DPY19L2: variants seen among roughly 807,000 people sequenced by gnomAD.
DPY19L2 encodes probable C-mannosyltransferase DPY19L2.
In DPY19L2, 34 loss-of-function variants were observed where a neutral mutation model predicts 97.9. The observed-to-expected ratio is 0.35, with a 90% CI of 0.26 to 0.46. DPY19L2 has a LOEUF of 0.46. DPY19L2 is among the 20% of genes least tolerant of loss of function. The probability of loss-of-function intolerance (pLI) is 1.00; values close to 1 mark genes in which losing one functional copy is unlikely to be tolerated. For synonymous variants in DPY19L2, 230 were observed against 307.9 expected, an observed-to-expected ratio of 0.75 and a Z score of 2.65; for missense variants, 623 against 911.4, an observed-to-expected ratio of 0.68 and a Z score of 4.07.
chr12:63,637,561 C>T (rs117486564), intron 6 of DPY19L2, among the ~76,000 whole-genome samples: 105,424 of 151,910 alleles, frequency 0.69, 37,153 homozygotes, highest in African/African-American at 0.8. Context: ...ATACAAACTA[C>T]CATCAGAGAA....
intron 6 of DPY19L2, among the ~76,000 whole-genome samples, chr12:63,630,403 C>G (rs567966573): frequency 1.3e-5 from 2 of 152,118 alleles, no homozygotes; most frequent in South Asian, 4.2e-4. Context: ...CAAAAAAAGG[C>G]AGGGGTTGCA....
At chr12:63,611,111 A>G (rs1289591233) in intron 11 of DPY19L2, among the ~76,000 whole-genome samples, 1 of 151,948 alleles carries the variant, frequency 6.6e-6, no homozygotes, top group African/African-American at 2.4e-5. Flanking sequence ...GCAAAAATGT[A>G]GAAAAATTGG....
chr12:63,658,645 T>C (rs1409594621), intron 4 of DPY19L2, among the ~76,000 whole-genome samples: 1 of 152,178 alleles, frequency 6.6e-6, no homozygotes, highest in African/African-American at 2.4e-5. Flanking sequence ...CCCTCAATAC[T>C]GCTTCCACCT....
At chr12:63,583,968 A>C in intron 16 of DPY19L2, 132 bp from the exon 17 acceptor site, 1 of 627,880 alleles carries the variant, frequency 1.6e-6, no homozygotes, top group South Asian at 2.6e-5. Context: ...GAAAATACAT[A>C]AAAATAAAAA....
chr12:63,607,883 T>G (rs896697762), intron 12 of DPY19L2, among the ~76,000 whole-genome samples: 1 of 151,824 alleles, frequency 6.6e-6, no homozygotes, highest in East Asian at 1.9e-4. Flanking sequence ...TCTGTCCACG[T>G]TGGCCTCCCA....
intron 4 of DPY19L2, among the ~76,000 whole-genome samples, chr12:63,659,284 T>C (rs972105210): frequency 7.9e-5 from 12 of 152,142 alleles, no homozygotes; most frequent in African/African-American, 2.6e-4. Flanking sequence ...AATAATACCA[T>C]TTATAATAAA....
chr12:63,581,061 A>C (rs958764123), intron 18 of DPY19L2, among the ~76,000 whole-genome samples: 8 of 152,302 alleles, frequency 5.3e-5, no homozygotes, highest in East Asian at 1.9e-4. Context: ...GAATTAAGGA[A>C]GATATACCTG....
At chr12:63,657,737 C>A (rs1021666218) in intron 4 of DPY19L2, among the ~76,000 whole-genome samples, 2 of 152,102 alleles carry the variant, frequency 1.3e-5, no homozygotes, top group Non-Finnish European at 2.9e-5. Flanking sequence ...GTCCCCTAGC[C>A]AGCACCATAG....
Position 63,641,010 on chromosome 12 carries a change from A to G in DPY19L2, c.803+3393T>C, listed in dbSNP as rs372697127. ...CAGGTTCACGCCATTCTCCTGCCTC[A>G]GCCTCCCGAGTAGCTGGGACTACAG... On this transcript the variant is annotated intron_variant, in intron 6 of 21. Transcript: ENST00000324472. Among the ~76,000 whole-genome samples the G allele has an allele frequency of 2.8e-4, 42 of 152,168 alleles. 1 individual carries two copies. Among genetic ancestry groups the G allele is most frequent in the Middle Eastern group, 3.4e-3 (1 of 294 alleles).
chr12:63,653,683 C>T (rs1341115470), intron 4 of DPY19L2, among the ~76,000 whole-genome samples: 3 of 151,930 alleles, frequency 2.0e-5, no homozygotes, highest in Admixed American at 1.3e-4. Context: ...AAAATCTAAA[C>T]AAATCCACAC....
chr12:63,651,641 C>G, intron 4 of DPY19L2: 1 of 377,096 alleles, frequency 2.7e-6, no homozygotes, highest in Non-Finnish European at 5.4e-6. Flanking sequence ...CAAAAATCTC[C>G]GGCCCTACAG....
chr12:63,644,040 A>T (rs1186133427), intron 6 of DPY19L2, among the ~76,000 whole-genome samples: 1 of 152,144 alleles, frequency 6.6e-6, no homozygotes, highest in South Asian at 2.1e-4. Context: ...AATTTTTCCT[A>T]CTGCTTTCTT....
intron 15 of DPY19L2, among the ~76,000 whole-genome samples, chr12:63,594,862 C>T (rs1215913089): frequency 6.6e-6 from 1 of 152,124 alleles, no homozygotes; most frequent in Non-Finnish European, 1.5e-5. Flanking sequence ...TAAGTGGAGC[C>T]TTAGAAGAAT....
intron 6 of DPY19L2, among the ~76,000 whole-genome samples, chr12:63,641,849 C>T (rs1275836882): frequency 6.6e-6 from 1 of 152,080 alleles, no homozygotes; most frequent in Non-Finnish European, 1.5e-5. Flanking sequence ...TACAAGGTAT[C>T]TATATCTTGA....
chr12:63,615,730 A>G (rs1209015951), intron 11 of DPY19L2, among the ~76,000 whole-genome samples: 1 of 152,176 alleles, frequency 6.6e-6, no homozygotes, highest in Non-Finnish European at 1.5e-5. Flanking sequence ...AGCAGTCAAG[A>G]TAGTCATTAT....
chr12:63,637,058 A>G (rs1891845583), intron 6 of DPY19L2, among the ~76,000 whole-genome samples: 2 of 152,190 alleles, frequency 1.3e-5, no homozygotes, highest in Admixed American at 6.5e-5. Context: ...CAGCAAATGT[A>G]AAAGAACAGA....
chr12:63,651,797 C>T (rs1213791995), intron 4 of DPY19L2: 9 of 329,902 alleles, frequency 2.7e-5, no homozygotes, highest in East Asian at 1.7e-4. Context: ...AGAAGGACCC[C>T]GGTGTCCTTG....
intron 21 of DPY19L2, among the ~76,000 whole-genome samples, chr12:63,562,559 T>C (rs1876788297): frequency 2.0e-5 from 3 of 152,160 alleles, no homozygotes; most frequent in African/African-American, 7.2e-5. Context: ...ATGTTTAACG[T>C]TTTACAAAAT....
At chr12:63,634,633 C>T (rs12311596) in intron 6 of DPY19L2, among the ~76,000 whole-genome samples, 105,495 of 152,010 alleles carry the variant, frequency 0.69, 37,187 homozygotes, top group African/African-American at 0.8. Context: ...CAGGAGATTA[C>T]ATCCCGCACA....
Sources: gnomAD v4.1 joint callset for allele counts (sites outside exome capture counted in the v4.1 genomes callset) on GRCh38, gnomAD v4.1.1 for gene constraint, MANE v1.5 for transcripts, NCBI Gene and HGNC (gene_info 2026-07-23, HGNC 2026-07-21) for gene names.